The following GPHN variants were observed in gnomAD, a reference collection of about 807,000 sequenced individuals.
GPHN encodes the protein gephyrin.
GPHN carries 17 observed loss-of-function variants against 95.5 expected under a neutral mutation model. The observed-to-expected ratio is 0.18, with a 90% CI of 0.12 to 0.27. GPHN has a LOEUF of 0.27. Among genes scored for constraint, GPHN ranks in the 10% least tolerant of loss-of-function variants. The pLI, the probability that GPHN is intolerant of heterozygous loss-of-function variation, is 1.00. For synonymous variants in GPHN, 320 were observed against 322.5 expected, an observed-to-expected ratio of 0.99 and a Z score of 0.08; for missense variants, 660 against 978.1, an observed-to-expected ratio of 0.67 and a Z score of 4.34.
At chr14:67,210,507 AAAATGTAAATACAATGGT>A in the GPHN span, among the ~76,000 whole-genome samples, 1 of 152,266 alleles carries the variant, frequency 6.6e-6, no homozygotes, top group Non-Finnish European at 1.5e-5. Context: ...AAAATTCCAA[AAAATGTAAATACAATGGT>A]ATTTTATTTC....
chr14:67,101,765 T>C (rs886095401), intron 13 of GPHN, among the ~76,000 whole-genome samples: 81 of 151,788 alleles, frequency 5.3e-4, no homozygotes, highest in African/African-American at 1.8e-3. Context: ...AGCATTTCTT[T>C]TTAGCAGCAT....
intron 1 of GPHN, among the ~76,000 whole-genome samples, chr14:66,614,924 T>C (rs1203460299): frequency 1.3e-5 from 2 of 152,182 alleles, no homozygotes; most frequent in African/African-American, 4.8e-5. Flanking sequence ...GGTCCATGTG[T>C]TCTCACTGTT....
the GPHN span, among the ~76,000 whole-genome samples, chr14:67,531,642 C>T: frequency 1.3e-5 from 2 of 150,154 alleles, no homozygotes; most frequent in African/African-American, 4.9e-5. Flanking sequence ...GGCCGAGGTG[C>T]GGTGGCTCAT....
rs931293160 is a variant in GPHN, at chr14:67,181,320, G to A, written c.*383G>A. On this transcript the variant is annotated 3_prime_UTR_variant, in exon 23 of 23. Transcript: ENST00000478722. ...AGGCTGTCTGCTTATTTATACTAGC[G>A]TAGGCAACACTTGGATTTCCCTTCT... 37 of 432,940 alleles carry A rather than the reference G, an allele frequency of 8.5e-5. 1 individual carries two copies. The highest frequency in any genetic ancestry group is 5.1e-4 in the South Asian group (24 of 46,876). The allele number at this position is 432,940 out of a possible 1,614,324, so 26.8% of individuals were successfully genotyped here. A position where few individuals can be genotyped will look rare whatever the true frequency, so the allele number is the denominator to read the frequency against.
chr14:66,590,788 T>C (rs2061608153), intron 1 of GPHN, among the ~76,000 whole-genome samples: 1 of 152,178 alleles, frequency 6.6e-6, no homozygotes, highest in Admixed American at 6.5e-5. Flanking sequence ...GAAGGAATCC[T>C]CCCTAACTCA....
the GPHN span, among the ~76,000 whole-genome samples, chr14:67,231,598 TG>T: frequency 6.6e-6 from 1 of 152,004 alleles, no homozygotes; most frequent in South Asian, 2.1e-4. Flanking sequence ...ATCTCCTGAT[TG>T]CGGTGGTGGT....
chr14:67,119,683 G>A (rs1324072944), intron 16 of GPHN, among the ~76,000 whole-genome samples: 3 of 152,222 alleles, frequency 2.0e-5, no homozygotes, highest in Middle Eastern at 3.4e-3. Context: ...CCAGCTACTC[G>A]GGAGGCTGAG....
the GPHN span, among the ~76,000 whole-genome samples, chr14:67,455,436 C>T: frequency 1.3e-4 from 20 of 152,186 alleles, no homozygotes; most frequent in African/African-American, 4.8e-4. Flanking sequence ...AGGGAGCCTT[C>T]CCTGACCACC....
At chr14:66,776,549 A>G in intron 3 of GPHN, 28 bp downstream of exon 3, 6 of 1,327,654 alleles carry the variant, frequency 4.5e-6, no homozygotes, top group Non-Finnish European at 6.5e-6. Context: ...TCACCTCTAC[A>G]AACATTTAGC....
At chr14:66,520,748 G>T (rs533448621) in intron 1 of GPHN, among the ~76,000 whole-genome samples, 1 of 151,722 alleles carries the variant, frequency 6.6e-6, no homozygotes, top group Non-Finnish European at 1.5e-5. Context: ...ACATGTGCAG[G>T]TTTGTTATAT....
chr14:66,866,667 G>A lies in GPHN; in HGVS notation c.295-13272G>A, dbSNP rs957882199. ...AGCAAATACAGTGAGATTTTTCATA[G>A]TTAAAGTGAAAAAAACTTGAAAATC... On this transcript the variant is annotated intron_variant, in intron 4 of 22. Transcript: ENST00000478722. Among the ~76,000 whole-genome samples the A allele has an allele frequency of 2.6e-5, 4 of 152,176 alleles. No individual in the cohort carries two copies. The South Asian group carries it at 8.3e-4, about 32-fold the overall frequency.
the GPHN span, chr14:67,278,977 T>C: frequency 2.0e-6 from 1 of 503,424 alleles, no homozygotes; most frequent in South Asian, 3.6e-5. Context: ...GCTTTTATAT[T>C]GTAATTCTTA....
chr14:67,511,255 G>A, the GPHN span, among the ~76,000 whole-genome samples: 1 of 152,158 alleles, frequency 6.6e-6, no homozygotes, highest in Non-Finnish European at 1.5e-5. Context: ...GGGGCTTTTG[G>A]AAAGCAAAGG....
chr14:67,573,175 G>A, the GPHN span: 1 of 705,950 alleles, frequency 1.4e-6, no homozygotes, highest in Non-Finnish European at 2.5e-6. The surrounding 1 kb of genome is among the most constrained non-coding windows in gnomAD (Gnocchi z 4.8). Context: ...GTATTTAATT[G>A]ATGACCGAGT....
intron 1 of GPHN, among the ~76,000 whole-genome samples, chr14:66,617,176 C>T (rs2063080611): frequency 6.6e-6 from 1 of 152,210 alleles, no homozygotes; most frequent in Non-Finnish European, 1.5e-5. Flanking sequence ...TCTCTAGGGG[C>T]TCAGGCCCCT....
At chr14:66,714,792 A>T (rs1018881440) in intron 2 of GPHN, among the ~76,000 whole-genome samples, 1 of 152,124 alleles carries the variant, frequency 6.6e-6, no homozygotes, top group Admixed American at 6.5e-5. Flanking sequence ...TGACTTGTGT[A>T]TGTTAAACCA....
chr14:67,050,425 G>A (rs1416567281), intron 10 of GPHN, among the ~76,000 whole-genome samples: 1 of 152,164 alleles, frequency 6.6e-6, no homozygotes, highest in East Asian at 1.9e-4. Context: ...TACTATAAGT[G>A]TAAGGAAGGC....
chr14:67,341,479 G>A, the GPHN span, among the ~76,000 whole-genome samples: 9 of 151,382 alleles, frequency 5.9e-5, no homozygotes, highest in South Asian at 2.1e-4. Flanking sequence ...GTCAGCCCCC[G>A]GCCCGGCCAG....
At chr14:67,635,801 A>C in the GPHN span, among the ~76,000 whole-genome samples, 1 of 152,222 alleles carries the variant, frequency 6.6e-6, no homozygotes, top group Non-Finnish European at 1.5e-5. Flanking sequence ...GCAGTGAGCC[A>C]AGATCACGCC....
Sources: allele counts gnomAD v4.1 joint callset (sites outside exome capture counted in the v4.1 genomes callset), GRCh38; gene constraint gnomAD v4.1.1; non-coding constraint Gnocchi (gnomAD v3.1); transcripts MANE v1.5; gene names NCBI Gene and HGNC (gene_info 2026-07-23, HGNC 2026-07-21).